PIN4: variants seen among roughly 807,000 people sequenced by gnomAD.
PIN4 encodes peptidyl-prolyl cis-trans isomerase NIMA-interacting 4.
A neutral mutation model predicts 8.3 loss-of-function variants in PIN4; 3 were observed. The ratio of observed to expected loss-of-function variants is 0.36; its 90% CI spans 0.16 to 0.93. The LOEUF (loss-of-function observed/expected upper bound fraction) is 0.93. Among genes scored for constraint, PIN4 ranks in the 40% least tolerant of loss-of-function variants. The pLI, the probability that PIN4 is intolerant of heterozygous loss-of-function variation, is 0.44. For missense variants in PIN4, 75 were observed against 100.6 expected (o/e 0.75, Z 1.09); for synonymous variants, 18 against 32.5 (o/e 0.55, Z 1.52).
At chrX:72,197,177 G>A (rs2042771030) in intron 3 of PIN4, 191 bp from the exon 4 acceptor site, 4 of 455,690 alleles carry the variant, frequency 8.8e-6, no homozygotes, top group East Asian at 3.7e-5. Flanking sequence ...GTCCAGCAGT[G>A]TTGAGAGTAC....
Position 72,196,839 on chromosome X carries a change from T to A in PIN4, c.172T>A (p.Leu58Ile). The A allele has an allele frequency of 5.2e-5, 63 of 1,203,987 alleles. No individual in the cohort carries two copies. Among genetic ancestry groups the A allele is most frequent in the Non-Finnish European group, 7.1e-5 (63 of 890,109 alleles). Residue 58 changes from leucine (L) to isoleucine (I), a missense_variant, in exon 3 of 4, where the codon TTA becomes ATA. Coordinates refer to ENST00000373669, the MANE Select transcript of PIN4 (RefSeq NM_006223.4). ...CAAAATCATGGAAGCCATGGAAAAG[T>A]TAAAGTCTGGGATGAGATTCAATGA... ...HGKIMEAMEKLKSGMRFNEVA... is the reference protein window; with the variant it reads ...HGKIMEAMEKIKSGMRFNEVA...
At chrX:72,256,006 T>G (rs1018239106) in intron 3 of PIN4, 25 of 112,120 alleles carry the variant, frequency 2.2e-4, no homozygotes, top group Admixed American at 2.1e-3. Flanking sequence ...GCACCGGGAA[T>G]GCAAAGGCGA....
intron 2 of PIN4, among the ~76,000 whole-genome samples, chrX:72,186,793 A>T (rs1353910580): frequency 4.5e-5 from 5 of 111,267 alleles, no homozygotes; most frequent in African/African-American, 1.6e-4. Flanking sequence ...GGTGGTGTAC[A>T]CTTGTAATCC....
chrX:72,235,081 G>A (rs1386638643), intron 3 of PIN4, among the ~76,000 whole-genome samples: 1 of 112,079 alleles, frequency 8.9e-6, no homozygotes, highest in African/African-American at 3.2e-5. Context: ...TATTGCTGCC[G>A]TTACAAATCA....
intron 3 of PIN4, among the ~76,000 whole-genome samples, chrX:72,228,395 A>C (rs961887575): frequency 2.7e-5 from 3 of 111,825 alleles, no homozygotes; most frequent in Non-Finnish European, 5.6e-5. Flanking sequence ...GGGACTCCCC[A>C]ACTGGTTTCA....
At chrX:72,237,232 C>T (rs991645487) in intron 3 of PIN4, among the ~76,000 whole-genome samples, 1 of 111,632 alleles carries the variant, frequency 9.0e-6, no homozygotes, top group Non-Finnish European at 1.9e-5. Flanking sequence ...CATGGTGGCC[C>T]ACGTCTGTAA....
chrX:72,214,975 A>T (rs1389906558), intron 3 of PIN4, among the ~76,000 whole-genome samples: 4 of 111,816 alleles, frequency 3.6e-5, no homozygotes, highest in Non-Finnish European at 7.5e-5. Flanking sequence ...TGAAAAAGCA[A>T]GACTCTGACT....
At chrX:72,258,418 G>A (rs1440527434) in intron 3 of PIN4, among the ~76,000 whole-genome samples, 2 of 112,245 alleles carry the variant, frequency 1.8e-5, no homozygotes, top group Middle Eastern at 4.2e-3. Context: ...ACAGCCACAC[G>A]CACACTGATT....
chrX:72,207,635 C>T, intron 3 of PIN4: 1 of 1,210,488 alleles, frequency 8.3e-7, no homozygotes, highest in Non-Finnish European at 1.1e-6. Flanking sequence ...TATATTTCTT[C>T]TTGTAAAGGC....
chrX:72,218,597 G>A (rs1303094081), intron 3 of PIN4, among the ~76,000 whole-genome samples: 3 of 108,254 alleles, frequency 2.8e-5, no homozygotes, highest in Non-Finnish European at 5.7e-5. Context: ...AGGTTCAAGC[G>A]ACTGTCCTGC....
At chrX:72,238,969 C>A in intron 3 of PIN4, 2 of 1,019,567 alleles carry the variant, frequency 2.0e-6, no homozygotes, top group South Asian at 2.0e-5. Context: ...GAGCTTGGAG[C>A]TTGGAGCTTG....
intron 3 of PIN4, among the ~76,000 whole-genome samples, chrX:72,252,623 C>T (rs1004008574): frequency 8.9e-6 from 1 of 112,202 alleles, no homozygotes; most frequent in Admixed American, 9.4e-5. Flanking sequence ...CTCCTGGCCT[C>T]AAGTGATCTG....
intron 3 of PIN4, among the ~76,000 whole-genome samples, chrX:72,253,694 G>A (rs1009939068): frequency 9.1e-6 from 1 of 109,932 alleles, no homozygotes; most frequent in Non-Finnish European, 1.9e-5. Context: ...CAGCACTTTG[G>A]CAAGCTGAAG....
intron 3 of PIN4, among the ~76,000 whole-genome samples, chrX:72,223,802 C>T (rs1034044671): frequency 4.5e-5 from 5 of 111,779 alleles, no homozygotes; most frequent in East Asian, 2.8e-4. Flanking sequence ...AGGGAAACTC[C>T]GTCACCTCTC....
intron 3 of PIN4, among the ~76,000 whole-genome samples, chrX:72,253,280 T>C (rs1004359198): frequency 3.6e-5 from 4 of 111,970 alleles, no homozygotes; most frequent in Non-Finnish European, 7.5e-5. Flanking sequence ...TTACCAATGG[T>C]TTCCTAACTA....
At chrX:72,261,864 C>T (rs2043141331) in intron 3 of PIN4, among the ~76,000 whole-genome samples, 1 of 111,497 alleles carries the variant, frequency 9.0e-6, no homozygotes, top group Non-Finnish European at 1.9e-5. Context: ...TCCTCCCACC[C>T]CTCTTCCCTT....
intron 3 of PIN4, among the ~76,000 whole-genome samples, chrX:72,248,114 G>A (rs1419638201): frequency 9.1e-6 from 1 of 109,536 alleles, no homozygotes; most frequent in East Asian, 2.8e-4. Flanking sequence ...CCTTGCACGA[G>A]GTCATGCAGC....
At chrX:72,232,764 C>T (rs891431874) in intron 3 of PIN4, among the ~76,000 whole-genome samples, 3 of 111,518 alleles carry the variant, frequency 2.7e-5, no homozygotes, top group East Asian at 2.8e-4. Context: ...GAGCTGAGAT[C>T]GCGTCATTGT....
chrX:72,261,263 C>A (rs2043138534), intron 3 of PIN4, among the ~76,000 whole-genome samples: 1 of 104,618 alleles, frequency 9.6e-6, no homozygotes, highest in Non-Finnish European at 2.0e-5. Flanking sequence ...CCATTGCACT[C>A]CAGCTTGGGT....
Sources: gnomAD v4.1 joint callset for allele counts (sites outside exome capture counted in the v4.1 genomes callset) on GRCh38, gnomAD v4.1.1 for gene constraint, MANE v1.5 for transcripts, NCBI Gene and HGNC (gene_info 2026-07-23, HGNC 2026-07-21) for gene names.